Variants in USP43 observed in about 807,000 individuals in gnomAD.
The protein encoded by USP43 is ubiquitin specific peptidase 43.
In USP43, 33 loss-of-function variants were observed where a neutral mutation model predicts 90.7. The observed-to-expected ratio is 0.36, with a 90% CI of 0.28 to 0.49. USP43 has a LOEUF of 0.49. USP43 is among the 20% of genes least tolerant of loss of function. USP43 has a pLI of 0.98. For synonymous variants in USP43, 598 were observed against 615.8 expected, an observed-to-expected ratio of 0.97 and a Z score of 0.43; for missense variants, 1,274 against 1,476.4, an observed-to-expected ratio of 0.86 and a Z score of 2.25.
chr17:9,662,093 G>A (rs1189695072), intron 2 of USP43, among the ~76,000 whole-genome samples: 1 of 152,098 alleles, frequency 6.6e-6, no homozygotes, highest in Non-Finnish European at 1.5e-5. Context: ...AATGTTTTCA[G>A]TCTTTGGCCA....
chr17:9,707,671 A>G, intron 12 of USP43, among the ~76,000 whole-genome samples: 1 of 152,084 alleles, frequency 6.6e-6, no homozygotes, highest in East Asian at 1.9e-4. Flanking sequence ...AAGCTTTAAA[A>G]TATTTCATTT....
chr17:9,707,923 T>C (rs916424800), intron 12 of USP43, among the ~76,000 whole-genome samples: 2 of 152,208 alleles, frequency 1.3e-5, no homozygotes, highest in African/African-American at 4.8e-5. Flanking sequence ...GACAATAAAA[T>C]GTGCTTATCA....
In USP43 at chr17:9,676,758, C is replaced by T. The variant is rs372807819; in HGVS notation, c.846C>T (p.Val282=). 1 of 1,613,406 alleles carries T rather than the reference C, an allele frequency of 6.2e-7. No individual in the cohort carries two copies. Among genetic ancestry groups the T allele is most frequent in the African/African-American group, 1.3e-5 (1 of 74,902 alleles). The part of the protein sequence containing the change: ...IPLRQTRFLS[V]TLVFPSKSQR... ...TCCTATTTTCCAGGTTCTTGAGTGT[C>T]ACCTTGGTCTTCCCCTCTAAGAGCC... The change falls in exon 5 of 15, where the codon GTC becomes GTT. Residue 282 remains valine, a synonymous_variant. Coordinates refer to ENST00000285199, the MANE Select transcript of USP43 (RefSeq NM_153210.5).
At chr17:9,713,478 AC>A (rs1916323917) in intron 14 of USP43, among the ~76,000 whole-genome samples, 1 of 151,888 alleles carries the variant, frequency 6.6e-6, no homozygotes, top group Admixed American at 6.6e-5. Flanking sequence ...CATAAAATCA[AC>A]TTTTTTAGCT....
chr17:9,689,998 G>A (rs970951455), intron 8 of USP43, among the ~76,000 whole-genome samples: 2 of 152,154 alleles, frequency 1.3e-5, no homozygotes, highest in African/African-American at 2.4e-5. Flanking sequence ...TGTTGAAGCC[G>A]TAGACGAACT....
chr17:9,662,488 A>G (rs987634602), intron 2 of USP43, among the ~76,000 whole-genome samples: 7 of 152,124 alleles, frequency 4.6e-5, no homozygotes, highest in Non-Finnish European at 1.0e-4. Context: ...CTTGGAGTTG[A>G]TCACGTTCCT....
chr17:9,668,143 T>C (rs1207637629), intron 3 of USP43, among the ~76,000 whole-genome samples: 2 of 152,238 alleles, frequency 1.3e-5, no homozygotes, highest in Admixed American at 6.5e-5. Flanking sequence ...TTCTTCTGGA[T>C]GTTGCACTAA....
At chr17:9,727,789 C>G (rs1450683356) in intron 14 of USP43, among the ~76,000 whole-genome samples, 165 bp from the exon 15 acceptor site, 1 of 152,156 alleles carries the variant, frequency 6.6e-6, no homozygotes. Context: ...TGGGTGAAAC[C>G]GTTGCTGTTC....
intron 1 of USP43, among the ~76,000 whole-genome samples, chr17:9,651,239 A>G (rs1911841536): frequency 1.3e-5 from 2 of 151,718 alleles, no homozygotes; most frequent in South Asian, 4.2e-4. Context: ...CCCAGGCTGG[A>G]GTGTGGCAGT....
In USP43 at chr17:9,656,440, A is replaced by G. The variant is rs1257728208; in HGVS notation, c.542A>G (p.Asn181Ser). ...VSKYGSQFQGNSQHDALEFLL... is the reference protein window; with the variant it reads ...VSKYGSQFQGSSQHDALEFLL... The stretch of plus-strand genomic sequence containing the variant: ...AAGTACGGCTCTCAGTTCCAAGGCA[A>G]TTCCCAGCACGACGCCCTGGAATTC... The change falls in exon 2 of 15, where the codon AAT becomes AGT. Residue 181 changes from asparagine (N) to serine (S), a missense_variant. By Grantham distance (46) the Asn-to-Ser change is conservative. Transcript: ENST00000285199. 1.2e-6 allele frequency: 2 copies of G among 1,610,922 alleles called. No homozygotes were observed. The highest frequency in any genetic ancestry group is 1.7e-6 in the Non-Finnish European group (2 of 1,178,744).
upstream of USP43, chr17:9,645,467 C>T (rs554803678): frequency 6.1e-4 from 354 of 579,270 alleles, no homozygotes; most frequent in African/African-American, 6.6e-3. The surrounding 1 kb of genome is among the most constrained non-coding windows in gnomAD (Gnocchi z 6.8). Context: ...CGGATTCCCG[C>T]GCGGGGCGGG....
intron 1 of USP43, among the ~76,000 whole-genome samples, chr17:9,652,212 C>CAAAAAAAAAAAAAAAAAAAA (rs769295315): frequency 4.7e-5 from 2 of 42,702 alleles, no homozygotes; most frequent in African/African-American, 1.8e-4. Context: ...GCCCTTAGCG[C>CAAAAAAAAAAAAAAAAAAAA]AAAAAAAAAA....
intron 8 of USP43, among the ~76,000 whole-genome samples, chr17:9,687,231 C>T (rs1597852315): frequency 6.6e-6 from 1 of 152,086 alleles, no homozygotes; most frequent in South Asian, 2.1e-4. Flanking sequence ...CATTTTCCAT[C>T]ATTCCCTAAG....
intron 12 of USP43, among the ~76,000 whole-genome samples, chr17:9,703,060 A>C (rs979053073): frequency 2.0e-5 from 3 of 152,080 alleles, no homozygotes; most frequent in Non-Finnish European, 4.4e-5. Flanking sequence ...CACCTTTGTA[A>C]CTGCTGGGAC....
chr17:9,697,282 C>A (rs552379078), intron 9 of USP43, among the ~76,000 whole-genome samples: 14 of 151,654 alleles, frequency 9.2e-5, no homozygotes, highest in Non-Finnish European at 2.1e-4. Context: ...GTTTATTATT[C>A]ATTTATTTTT....
At chr17:9,702,700 A>C (rs1208003474) in intron 12 of USP43, among the ~76,000 whole-genome samples, 1 of 152,164 alleles carries the variant, frequency 6.6e-6, no homozygotes, top group East Asian at 1.9e-4. Context: ...CCTCTCAGTG[A>C]CGGTGAGAAG....
intron 14 of USP43, among the ~76,000 whole-genome samples, chr17:9,717,405 C>T (rs891246634): frequency 2.0e-5 from 3 of 150,262 alleles, no homozygotes; most frequent in African/African-American, 7.5e-5. Flanking sequence ...TCATCAGCTG[C>T]TTATTTCTTT....
At chr17:9,676,178 A>G (rs1426236523) in intron 4 of USP43, among the ~76,000 whole-genome samples, 1 of 152,186 alleles carries the variant, frequency 6.6e-6, no homozygotes, top group African/African-American at 2.4e-5. Flanking sequence ...AAGCTTATCT[A>G]TTTAACAACT....
chr17:9,693,268 C>G (rs765167169), intron 9 of USP43, 38 bp downstream of exon 9: 6 of 1,529,544 alleles, frequency 3.9e-6, no homozygotes, highest in East Asian at 2.3e-5. Context: ...GCTAATGAAC[C>G]CTTTCTTATT....
Sources: allele counts gnomAD v4.1 joint callset (sites outside exome capture counted in the v4.1 genomes callset), GRCh38; gene constraint gnomAD v4.1.1; non-coding constraint Gnocchi (gnomAD v3.1); transcripts MANE v1.5; gene names NCBI Gene and HGNC (gene_info 2026-07-23, HGNC 2026-07-21).